Variants in SNED1 observed in about 807,000 individuals in gnomAD.
SNED1 encodes the protein sushi, nidogen and EGF like domains 1, also known as sushi, nidogen and EGF-like domain-containing protein 1.
In SNED1, 81 loss-of-function variants were observed where a neutral mutation model predicts 166.7. That is an observed-to-expected ratio of 0.49 (90% CI 0.41 to 0.58). The LOEUF (loss-of-function observed/expected upper bound fraction) is 0.58. Ranked by LOEUF, SNED1 falls within the 20% of genes least tolerant of loss-of-function variation. The pLI, the probability that SNED1 is intolerant of heterozygous loss-of-function variation, is 0.00. For missense variants in SNED1, 1,604 were observed against 2,000.2 expected, an observed-to-expected ratio of 0.80 and a Z score of 3.78; for synonymous variants, 762 against 822.0, an observed-to-expected ratio of 0.93 and a Z score of 1.25.
intron 21 of SNED1, among the ~76,000 whole-genome samples, chr2:241,067,046 T>C (rs1269249996): frequency 6.6e-6 from 1 of 152,132 alleles, no homozygotes; most frequent in African/African-American, 2.4e-5. Context: ...CTGGGCTGTT[T>C]TAGGAAGAAG....
intron 21 of SNED1, among the ~76,000 whole-genome samples, chr2:241,066,701 C>T (rs191072612): frequency 3.6e-4 from 55 of 152,274 alleles, no homozygotes; most frequent in African/African-American, 1.2e-3. Context: ...GGGGCGGCCA[C>T]GTGAGTTTGG....
At chr2:241,083,639 C>G (rs577886432) in intron 29 of SNED1, among the ~76,000 whole-genome samples, 1 of 152,320 alleles carries the variant, frequency 6.6e-6, no homozygotes, top group Middle Eastern at 3.4e-3. Flanking sequence ...TCCACAGTAT[C>G]TGCCATCTTC....
At chr2:241,078,571 T>G (rs951063109) in intron 27 of SNED1, among the ~76,000 whole-genome samples, 5 of 151,636 alleles carry the variant, frequency 3.3e-5, no homozygotes, top group African/African-American at 4.9e-5. Context: ...TCCATTCATA[T>G]GAAAGTCCAG....
At chr2:241,053,407 G>A (rs1575000794) in intron 16 of SNED1, 81 bp downstream of exon 16, 5 of 1,399,456 alleles carry the variant, frequency 3.6e-6, no homozygotes, top group Admixed American at 4.4e-5. Context: ...CACAGGGGCT[G>A]CAGGCCCAAG....
chr2:241,045,732 T>C (rs979971747), intron 8 of SNED1, among the ~76,000 whole-genome samples: 2 of 149,896 alleles, frequency 1.3e-5, no homozygotes, highest in Admixed American at 1.3e-4. Context: ...AAAAAATTTA[T>C]GACCTGGTCT....
chr2:241,089,504 C>T (rs2063770455), intron 31 of SNED1: 10 of 1,422,334 alleles, frequency 7.0e-6, no homozygotes, highest in East Asian at 5.0e-5. Context: ...GCCGGAGCTC[C>T]GCACATGGCA....
rs73110135 is a variant in SNED1 at position 241,018,630 on chromosome 2, G to A, written c.214-11654G>A. On this transcript the variant is annotated intron_variant, in intron 1 of 31. Transcript: ENST00000310397. The surrounding 1 kb of genome is among the most constrained non-coding windows in gnomAD (Gnocchi z 5.4). ...CTCACACCCAGACCTGTCACAGGGC[G>A]GTGCAGGCACAAGGCCAGCAGGAGC... 4.9e-3 allele frequency among the ~76,000 whole-genome samples: 746 copies of A among 152,208 alleles called. 5 individuals are homozygous for A. Among genetic ancestry groups the A allele is most frequent in the African/African-American group, 0.016 (662 of 41,520 alleles).
chr2:241,082,923 A>G (rs1402615284), intron 29 of SNED1, among the ~76,000 whole-genome samples: 3 of 151,902 alleles, frequency 2.0e-5, no homozygotes, highest in African/African-American at 7.2e-5. Flanking sequence ...TGTGCCGGGC[A>G]CTGTCCATTT....
intron 30 of SNED1, chr2:241,088,060 C>T (rs781640314): frequency 2.3e-4 from 106 of 457,548 alleles, no homozygotes; most frequent in Non-Finnish European, 3.5e-4. Context: ...GGCCTGTGCA[C>T]GTCACCGGCT....
At chr2:241,012,825 CTTTT>C (rs59199140) in intron 1 of SNED1, among the ~76,000 whole-genome samples, 3 of 134,870 alleles carry the variant, frequency 2.2e-5, no homozygotes, top group Admixed American at 7.2e-5. Flanking sequence ...TTTTTTTTTT[CTTTT>C]TTTTTTTTTT....
At chr2:241,031,044 C>T (rs1321046346) in intron 2 of SNED1, among the ~76,000 whole-genome samples, 1 of 152,242 alleles carries the variant, frequency 6.6e-6, no homozygotes, top group African/African-American at 2.4e-5. Flanking sequence ...TCAGCACCTA[C>T]TGTGGCCAGG....
At chr2:241,016,957 A>G (rs1293477538) in intron 1 of SNED1, among the ~76,000 whole-genome samples, 2 of 150,854 alleles carry the variant, frequency 1.3e-5, no homozygotes, top group East Asian at 2.0e-4. Context: ...GGTTCAAGCA[A>G]TTCTCCTGCC....
rs542701458 is a variant in SNED1, at chr2:241,073,506, C to G, written c.3916+142C>G. ...TGAGGGGAGGCTGAGCACCAGGCAC[C>G]CCGGTGTGGGAAGATGGGGTGAAGC... is the stretch of plus-strand genomic sequence containing the variant. On this transcript the variant is annotated intron_variant, in intron 27 of 31. Transcript: ENST00000310397. The surrounding 1 kb of genome is among the most constrained non-coding windows in gnomAD (Gnocchi z 6.6). 9.8e-6 allele frequency: 7 copies of G among 715,372 alleles called. No homozygotes were observed. In the East Asian group the frequency reaches 1.6e-4, roughly 17 times the overall value. The allele number at this position is 715,372 out of a possible 1,614,324, so 44.3% of individuals were successfully genotyped here.
chr2:241,056,657 T>G (rs555490820), intron 16 of SNED1, among the ~76,000 whole-genome samples: 184 of 144,722 alleles, frequency 1.3e-3, no homozygotes, highest in African/African-American at 4.7e-3. Flanking sequence ...CTCGGCTCAC[T>G]GCAATCTCCG....
At position 241,067,994 on chromosome 2, in the gene SNED1, G is replaced by A. The variant is rs372019271; in HGVS notation, c.3194+47G>A. On this transcript the variant is annotated intron_variant, in intron 22 of 31. Transcript: ENST00000310397. ...ATGGGGCTGGGGTGAAGGCAGGGGT[G>A]GGGGCTCGGGGACACGGGGCCCAGG... The A allele has an allele frequency of 7.9e-5, 121 of 1,540,732 alleles. 1 individual carries two copies. In the African/African-American group the frequency reaches 1.6e-3, roughly 20 times the overall value.
intron 17 of SNED1, among the ~76,000 whole-genome samples, chr2:241,063,227 C>T (rs1201838284): frequency 2.6e-5 from 4 of 152,124 alleles, no homozygotes; most frequent in African/African-American, 7.2e-5. Context: ...GAGGCCTGCC[C>T]CATGAGCCCT....
chr2:241,088,343 G>A (rs769722948), intron 30 of SNED1, 22 bp from the exon 31 acceptor site: 60 of 1,586,386 alleles, frequency 3.8e-5, no homozygotes, highest in Non-Finnish European at 4.9e-5. Context: ...TTCATTAAAC[G>A]ACTTTTCTCT....
intron 1 of SNED1, among the ~76,000 whole-genome samples, chr2:241,006,944 C>G (rs2060236791): frequency 6.6e-6 from 1 of 152,198 alleles, no homozygotes; most frequent in Non-Finnish European, 1.5e-5. Context: ...AGAGGCCCTC[C>G]AGAAGGGGCT....
intron 1 of SNED1, among the ~76,000 whole-genome samples, chr2:241,019,375 G>A (rs1334673301): frequency 6.6e-6 from 1 of 152,242 alleles, no homozygotes. Flanking sequence ...ATCACTGTCA[G>A]ATGCAAATCG....
Sources: allele counts gnomAD v4.1 joint callset (sites outside exome capture counted in the v4.1 genomes callset), GRCh38; gene constraint gnomAD v4.1.1; non-coding constraint Gnocchi (gnomAD v3.1); transcripts MANE v1.5; gene names NCBI Gene and HGNC (gene_info 2026-07-23, HGNC 2026-07-21).